Variants in MTA1 observed in about 807,000 individuals in gnomAD.
MTA1 encodes the protein metastasis-associated protein MTA1.
Under a neutral mutation model 97.0 loss-of-function variants are expected in MTA1, and 15 were observed. The ratio of observed to expected loss-of-function variants is 0.15; its 90% confidence interval spans 0.10 to 0.24. The LOEUF is 0.24. MTA1 is among the 10% of genes least tolerant of loss of function. The probability of loss-of-function intolerance (pLI) is 1.00; values close to 1 mark genes in which losing one functional copy is unlikely to be tolerated. For missense variants in MTA1, 709 were observed against 1,015.1 expected, an observed-to-expected ratio of 0.70 and a Z score of 4.10; for synonymous variants, 435 against 417.5, an observed-to-expected ratio of 1.04 and a Z score of -0.51.
intron 16 of MTA1, chr14:105,465,640 AGGCCTCTGCACGCCCTC>A (rs1400528394): frequency 3.9e-5 from 6 of 153,562 alleles, no homozygotes; most frequent in African/African-American, 1.4e-4. Context: ...GGCAGCACTC[AGGCCTCTGCACGCCCTC>A]GGCAGGGGGA....
chr14:105,437,205 A>G (rs1555424554), intron 1 of MTA1, among the ~76,000 whole-genome samples: 1 of 151,082 alleles, frequency 6.6e-6, no homozygotes, highest in East Asian at 1.9e-4. Context: ...GCGTCCTCCC[A>G]GGTGTGCACC....
At position 105,464,732 on chromosome 14, in the gene MTA1, G is replaced by A. The variant is rs782072128; in HGVS notation, c.1403G>A (p.Arg468Lys). 6.2e-7 allele frequency: 1 copy of A among 1,609,748 alleles called. No homozygotes were observed. Among genetic ancestry groups the A allele is most frequent in the East Asian group, 2.2e-5 (1 of 44,780 alleles). ...AGCCCCAAGTTTGCCATGAAGACCAGGCAGGCTTTCTATCTGCACACGACG... is the reference window on the plus strand; with the variant it reads ...AGCCCCAAGTTTGCCATGAAGACCAAGCAGGCTTTCTATCTGCACACGACG... ...SGSPKFAMKT[R>K]QAFYLHTTKL... Residue 468 changes from arginine to lysine, a missense_variant, in exon 15 of 21, where the codon AGG becomes AAG. Around this residue, in one of 2 missense-constraint regions of MTA1, gnomAD observed 388 missense variants for 421.6 expected, o/e 0.92. Coordinates refer to ENST00000331320, the MANE Select transcript of MTA1 (RefSeq NM_004689.4).
chr14:105,428,464 C>T (rs2082077770), intron 1 of MTA1, among the ~76,000 whole-genome samples: 1 of 152,014 alleles, frequency 6.6e-6, no homozygotes, highest in South Asian at 2.1e-4. Context: ...CTAAGTTTTT[C>T]GTTATGTTGT....
chr14:105,440,970 G>A (rs1448667022), intron 2 of MTA1, among the ~76,000 whole-genome samples: 2 of 152,222 alleles, frequency 1.3e-5, no homozygotes, highest in Admixed American at 6.5e-5. Flanking sequence ...TGGGAGAGGC[G>A]GTGCCACTGG....
chr14:105,457,755 G>A (rs1237535104), intron 7 of MTA1, among the ~76,000 whole-genome samples: 1 of 152,130 alleles, frequency 6.6e-6, no homozygotes, highest in Non-Finnish European at 1.5e-5. Context: ...GTGAAACCCC[G>A]TGTCTACTGA....
intron 1 of MTA1, among the ~76,000 whole-genome samples, chr14:105,421,076 G>C (rs1040502323): frequency 3.9e-5 from 6 of 152,146 alleles, no homozygotes; most frequent in African/African-American, 1.4e-4. Context: ...CTTGGACGCC[G>C]TGTGGTCTGG....
At chr14:105,468,462 C>G (rs1555433454) in intron 18 of MTA1, 1 of 1,018,136 alleles carries the variant, frequency 9.8e-7, no homozygotes, top group African/African-American at 1.7e-5. Flanking sequence ...GGCACCTGGG[C>G]CCCCACCTGA....
At chr14:105,421,708 C>T (rs1294110500) in intron 1 of MTA1, among the ~76,000 whole-genome samples, 2 of 152,262 alleles carry the variant, frequency 1.3e-5, no homozygotes, top group Admixed American at 6.5e-5. Context: ...GTCTCTCAGC[C>T]GTCCTTTTGT....
At chr14:105,426,221 C>T (rs1351839500) in intron 1 of MTA1, among the ~76,000 whole-genome samples, 3 of 152,102 alleles carry the variant, frequency 2.0e-5, no homozygotes, top group African/African-American at 7.2e-5. Flanking sequence ...GCCAGGCTGT[C>T]CTCACAGCAG....
At chr14:105,468,229 C>T in intron 18 of MTA1, 4 of 1,154,592 alleles carry the variant, frequency 3.5e-6, no homozygotes, top group Non-Finnish European at 4.7e-6. Flanking sequence ...GGCCATTTGC[C>T]CGTGCAGCCT....
Position 105,470,160 on chromosome 14 carries a change from C to T in MTA1, c.2093C>T (p.Pro698Leu), listed in dbSNP as rs782692903. ...CTGCGCCAGAGCCAGGCCCTGCCGCCGCGGCCACCGCCACCTGCGCCCGTC... is the reference window on the plus strand; with the variant it reads ...CTGCGCCAGAGCCAGGCCCTGCCGCTGCGGCCACCGCCACCTGCGCCCGTC... ...IALRQSQALP[P>L]RPPPPAPVND... The change falls in exon 21 of 21, where the codon CCG becomes CTG. Residue 698 changes from proline to leucine, a missense_variant. This residue lies in a region of MTA1 where 388 missense variants were observed against 421.6 expected (regional missense o/e 0.92). Coordinates refer to ENST00000331320, the MANE Select transcript of MTA1 (RefSeq NM_004689.4). The T allele has an allele frequency of 2.9e-5, 46 of 1,609,868 alleles. No individual in the cohort carries two copies. The highest frequency in any genetic ancestry group is 2.1e-4 in the African/African-American group (16 of 74,852).
At chr14:105,456,640 C>T (rs2083164641) in intron 7 of MTA1, among the ~76,000 whole-genome samples, 1 of 152,230 alleles carries the variant, frequency 6.6e-6, no homozygotes, top group Non-Finnish European at 1.5e-5. Context: ...TGTGCACCTG[C>T]CTTTAGTGAG....
chr14:105,431,511 G>C (rs965173805), intron 1 of MTA1, among the ~76,000 whole-genome samples: 6 of 152,216 alleles, frequency 3.9e-5, no homozygotes, highest in Non-Finnish European at 8.8e-5. Flanking sequence ...GCACAGAAAA[G>C]GGCTTGGTTG....
chr14:105,465,202 T>A lies in MTA1; in HGVS notation c.1624+19T>A, dbSNP rs1555432428. ...TATCTTGGTGAGCAGCCAGGCGTGC[T>A]GGGGGGCTCCCAATGCTGCCTGCAG... On this transcript the variant is annotated intron_variant, in intron 16 of 20. Coordinates refer to ENST00000331320, the MANE Select transcript of MTA1 (RefSeq NM_004689.4). The A allele has an allele frequency of 6.7e-7, 1 of 1,500,300 alleles. No individual in the cohort carries two copies. Among genetic ancestry groups the A allele is most frequent in the South Asian group, 1.2e-5 (1 of 81,292 alleles). 92.9% of individuals were successfully genotyped at this position (1,500,300 alleles called of 1,614,324 possible). A position where few individuals can be genotyped will look rare whatever the true frequency, so the allele number is the denominator to read the frequency against.
chr14:105,457,456 C>T (rs1555430141), intron 7 of MTA1, among the ~76,000 whole-genome samples: 1 of 152,228 alleles, frequency 6.6e-6, no homozygotes. Context: ...ACGCCCACTC[C>T]CTGGCCCCCG....
intron 2 of MTA1, among the ~76,000 whole-genome samples, chr14:105,439,055 T>G (rs2082416719): frequency 6.6e-6 from 1 of 152,090 alleles, no homozygotes; most frequent in Non-Finnish European, 1.5e-5. Context: ...AGCGGAATGG[T>G]GTGATTCTGA....
intron 1 of MTA1, among the ~76,000 whole-genome samples, chr14:105,437,852 C>T (rs587624304): frequency 6.6e-6 from 1 of 152,324 alleles, no homozygotes; most frequent in East Asian, 1.9e-4. Context: ...CCTGGAGCAT[C>T]GGGGTGTCAG....
chr14:105,435,046 C>G (rs1555424119), intron 1 of MTA1, among the ~76,000 whole-genome samples: 1 of 152,164 alleles, frequency 6.6e-6, no homozygotes, highest in African/African-American at 2.4e-5. Flanking sequence ...CTTGGCACAT[C>G]CCTGATCTCA....
At chr14:105,426,362 A>C (rs1206099230) in intron 1 of MTA1, among the ~76,000 whole-genome samples, 1 of 129,996 alleles carries the variant, frequency 7.7e-6, no homozygotes, top group African/African-American at 2.9e-5. Flanking sequence ...TGACAGAGCG[A>C]GACTTCGTCT....
Sources: allele counts gnomAD v4.1 joint callset (sites outside exome capture counted in the v4.1 genomes callset), GRCh38; gene constraint gnomAD v4.1.1; regional missense constraint gnomAD v4.1.1; transcripts MANE v1.5; gene names NCBI Gene and HGNC (gene_info 2026-07-23, HGNC 2026-07-21).